CCDC121: variants seen among roughly 807,000 people sequenced by gnomAD.
CCDC121 encodes the protein coiled-coil domain containing 121, also known as coiled-coil domain-containing protein 121.
For missense variants in CCDC121, 238 were observed against 304.1 expected (o/e 0.78, Z 1.62); for synonymous variants, 108 against 120.0 (o/e 0.90, Z 0.65).
Position 27,627,844 on chromosome 2 carries a change from G to C in CCDC121, c.-45C>G, listed in dbSNP as rs776602104. The stretch of plus-strand genomic sequence containing the variant: ...TTAAGCCTTGTCTCTACCTTTGTTA[G>C]CTTCTCTGGCTTGACAAAATTATTT... On this transcript the variant is annotated 5_prime_UTR_variant, in exon 2 of 2. Transcript: ENST00000324364. The C allele has an allele frequency of 2.5e-6, 4 of 1,613,992 alleles. No homozygotes were observed. The highest frequency in any genetic ancestry group is 3.4e-6 in the Non-Finnish European group (4 of 1,179,972).
At position 27,627,438 on chromosome 2, in the gene CCDC121, A is replaced by G. The variant is rs1462236982; in HGVS notation, c.362T>C (p.Ile121Thr). Residue 121 changes from isoleucine (I) to threonine (T), a missense_variant, in exon 2 of 2, where the codon ATA (isoleucine) becomes ACA (threonine). Transcript: ENST00000324364. ...CTTTGTCTCCTCCTGTAATGTCTGT[A>G]TTTCTTTCTCCTGCTTTTCCTTTAA... ...AILKEKQEKEIQTLQEETKKV... is the reference protein window; with the variant it reads ...AILKEKQEKETQTLQEETKKV... The G allele has an allele frequency of 6.2e-7, 1 of 1,613,788 alleles. No individual in the cohort carries two copies. Among genetic ancestry groups the G allele is most frequent in the African/African-American group, 1.3e-5 (1 of 74,818 alleles).
chr2:27,627,931 C>G lies in CCDC121; in HGVS notation c.-118-14G>C. The G allele has an allele frequency of 1.3e-6, 2 of 1,542,900 alleles. No individual in the cohort carries two copies. Among genetic ancestry groups the G allele is most frequent in the South Asian group, 1.1e-5 (1 of 89,186 alleles). On this transcript the variant is annotated splice_polypyrimidine_tract_variant and intron_variant, in intron 1 of 1. Coordinates refer to ENST00000324364, the MANE Select transcript of CCDC121 (RefSeq NM_024584.5). ...CCCTCAGCAAACCTGAAAGAACAAA[C>G]GAGACATTCCTCTGTCAGTTAATGA...
At position 27,627,649 on chromosome 2, in the gene CCDC121, T is replaced by C. The variant is rs1292041072; in HGVS notation, c.151A>G (p.Thr51Ala). 1.2e-6 allele frequency: 2 copies of C among 1,614,082 alleles called. No individual in the cohort carries two copies. Among genetic ancestry groups the C allele is most frequent in the Non-Finnish European group, 8.5e-7 (1 of 1,180,040 alleles). The change falls in exon 2 of 2, where the codon ACA becomes GCA. Residue 51 changes from threonine to alanine, a missense_variant. Physicochemically the swap from Thr to Ala is moderately conservative, Grantham distance 58. Coordinates refer to ENST00000324364, the MANE Select transcript of CCDC121 (RefSeq NM_024584.5). Reference protein sequence around the residue: ...EYLTNKTEEYTEQPEKVWNSY... With the variant: ...EYLTNKTEEYAEQPEKVWNSY... ...TTCCATACCTTCTCAGGTTGCTCTG[T>C]GTACTCTTCAGTTTTGTTAGTCAGG...
rs1231528530 is a variant in CCDC121 at position 27,629,001 on chromosome 2, G to A, written c.-170C>T. 1.2e-6 allele frequency: 2 copies of A among 1,609,170 alleles called. No homozygotes were observed. The highest frequency in any genetic ancestry group is 1.7e-6 in the Non-Finnish European group (2 of 1,177,462). ...TTTCGTTCGCAGCCCAGAACATTGC[G>A]GAAGTTTCTCTACCCATGCGGTGTC... On this transcript the variant is annotated 5_prime_UTR_variant, in exon 1 of 2. Coordinates refer to ENST00000324364, the MANE Select transcript of CCDC121 (RefSeq NM_024584.5).
Position 27,627,407 on chromosome 2 carries a change from G to T in CCDC121, c.393C>A (p.Val131=). ...GTGTCTTTGAAGCTGTCTCAGCTTG[G>T]ACTTTCTTTGTCTCCTCCTGTAATG... ...IQTLQEETKK[V]QAETASKTRE... is the part of the protein sequence containing the mutation. The change falls in exon 2 of 2, where the codon GTC becomes GTA. Residue 131 remains valine (V), a synonymous_variant. Coordinates refer to ENST00000324364, the MANE Select transcript of CCDC121 (RefSeq NM_024584.5). The T allele has an allele frequency of 4.3e-6, 7 of 1,614,132 alleles. No individual in the cohort carries two copies. Among genetic ancestry groups the T allele is most frequent in the Non-Finnish European group, 5.9e-6 (7 of 1,180,026 alleles).
At chr2:27,628,661 CAG>C in intron 1 of CCDC121, 1 of 1,551,558 alleles carries the variant, frequency 6.4e-7, no homozygotes, top group Non-Finnish European at 8.7e-7. Context: ...TAAGCCCGAG[CAG>C]CCGGTCCTCC....
chr2:27,627,278 A>G lies in CCDC121; in HGVS notation c.522T>C (p.Asn174=). ...CCAACTTCAAGGCCTGGGCCTTCATATTAAGCTCTCTTCTTTTTCTCTTTC... is the reference window on the plus strand; with the variant it reads ...CCAACTTCAAGGCCTGGGCCTTCATGTTAAGCTCTCTTCTTTTTCTCTTTC... ...LLGKRKRREL[N]MKAQALKLAA... The change falls in exon 2 of 2, where the codon AAT becomes AAC. Residue 174 remains asparagine, a synonymous_variant. Coordinates refer to ENST00000324364, the MANE Select transcript of CCDC121 (RefSeq NM_024584.5). 1 of 1,613,942 alleles carries G rather than the reference A, an allele frequency of 6.2e-7. No homozygotes were observed. The highest frequency in any genetic ancestry group is 8.5e-7 in the Non-Finnish European group (1 of 1,179,862).
In CCDC121 at chr2:27,626,847, A is replaced by G; in HGVS notation, c.*116T>C. The G allele has an allele frequency of 2.6e-6, 2 of 760,032 alleles. No individual in the cohort carries two copies. The highest frequency in any genetic ancestry group is 4.4e-6 in the Non-Finnish European group (2 of 453,570). The allele number at this position is 760,032 out of a possible 1,614,324, so 47.1% of individuals were successfully genotyped here. A position where few individuals can be genotyped will look rare whatever the true frequency, so the allele number is the denominator to read the frequency against. ...ACCATCTAATCCTTCACTCCAACAC[A>G]TCATGATGGAGATTTTACAATAGCA... On this transcript the variant is annotated 3_prime_UTR_variant, in exon 2 of 2. Coordinates refer to ENST00000324364, the MANE Select transcript of CCDC121 (RefSeq NM_024584.5).
rs1326300813 is a variant in CCDC121 at position 27,627,329 on chromosome 2, C to A, written c.471G>T (p.Leu157=). 1.2e-6 allele frequency: 2 copies of A among 1,613,986 alleles called. No homozygotes were observed. The highest frequency in any genetic ancestry group is 1.7e-6 in the Non-Finnish European group (2 of 1,179,890). The change falls in exon 2 of 2, where the codon CTG becomes CTT. Residue 157 remains leucine (L), a synonymous_variant. Coordinates refer to ENST00000324364, the MANE Select transcript of CCDC121 (RefSeq NM_024584.5). ...CCAGTAGCCTCCTGTCTGGCTCGCTCAGTTGTTTCTCCAGTAATCTTTTCT... is the reference window on the plus strand; with the variant it reads ...CCAGTAGCCTCCTGTCTGGCTCGCTAAGTTGTTTCTCCAGTAATCTTTTCT... ...LQEKRLLEKQ[L]SEPDRRLLGK... is the part of the protein sequence containing the mutation.
At chr2:27,628,181 A>T in intron 1 of CCDC121, 1 of 631,930 alleles carries the variant, frequency 1.6e-6, no homozygotes, top group Non-Finnish European at 2.7e-6. Flanking sequence ...TGACTTGCCC[A>T]TGACTCACAC....
rs1673278241 is a variant in CCDC121, at chr2:27,626,325, AAT to A, written c.*636_*637del. The A allele has an allele frequency of 6.6e-6, 1 of 152,364 alleles. No individual in the cohort carries two copies. The highest frequency in any genetic ancestry group is 1.5e-5 in the Non-Finnish European group (1 of 68,036). 9.4% of individuals were successfully genotyped at this position (152,364 alleles called of 1,614,324 possible). A position where few individuals can be genotyped will look rare whatever the true frequency, so the allele number is the denominator to read the frequency against. On this transcript the variant is annotated 3_prime_UTR_variant, in exon 2 of 2. Transcript: ENST00000324364. The stretch of plus-strand genomic sequence containing the variant: ...CATTTTCAAAAGTAAGAGCTGACCT[AAT>A]ATATGTCTCCTTCATCTTTTCTTAC...
In CCDC121 at chr2:27,627,579, T is replaced by C; in HGVS notation, c.221A>G (p.Glu74Gly). The part of the protein sequence containing the change: ...KSGEIERRRQ[E>G]SASRYAEQIS... ...TTGTTCTGCATATCTGGAGGCTGAT[T>C]CTTGTCTTCTTCGTTCAATCTCTCC... Residue 74 changes from glutamate to glycine, a missense_variant, in exon 2 of 2, where the codon GAA becomes GGA. Glu to Gly is a moderately conservative substitution (Grantham distance 98, BLOSUM62 -2). Transcript: ENST00000324364. 6.2e-7 allele frequency: 1 copy of C among 1,614,186 alleles called. No individual in the cohort carries two copies. Among genetic ancestry groups the C allele is most frequent in the Non-Finnish European group, 8.5e-7 (1 of 1,180,026 alleles).
In CCDC121 at chr2:27,628,295, G is replaced by C. The variant is rs2148057819; in HGVS notation, c.-118-378C>G. The C allele has an allele frequency of 2.6e-6, 3 of 1,171,836 alleles. No homozygotes were observed. In the East Asian group the frequency reaches 7.6e-5, roughly 30 times the overall value. The allele number at this position is 1,171,836 out of a possible 1,614,324, so 72.6% of individuals were successfully genotyped here. A position where few individuals can be genotyped will look rare whatever the true frequency, so the allele number is the denominator to read the frequency against. The stretch of plus-strand genomic sequence containing the variant: ...ACAGAAACAGACTGGGTGGTCAGGA[G>C]TAGAAATAATTTTCTAGGCTCTTTC... On this transcript the variant is annotated intron_variant, in intron 1 of 1. Coordinates refer to ENST00000324364, the MANE Select transcript of CCDC121 (RefSeq NM_024584.5).
In CCDC121 at chr2:27,627,095, C is replaced by G. The variant is rs1483424486; in HGVS notation, c.705G>C (p.Trp235Cys). 6.2e-7 allele frequency: 1 copy of G among 1,614,020 alleles called. No homozygotes were observed. Among genetic ancestry groups the G allele is most frequent in the African/African-American group, 1.3e-5 (1 of 74,900 alleles). The change falls in exon 2 of 2, where the codon TGG becomes TGC. Residue 235 changes from tryptophan (W) to cysteine (C), a missense_variant. By Grantham distance (215) the Trp-to-Cys change is radical. Coordinates refer to ENST00000324364, the MANE Select transcript of CCDC121 (RefSeq NM_024584.5). ...NRKQQLQQEQ[W>C]YLESLIQARQ... is the part of the protein sequence containing the mutation. ...TCGCCTGGATTAAGGACTCCAGATA[C>G]CACTGTTCCTGCTGCAGCTGCTGCT...
At chr2:27,628,617 A>T in intron 1 of CCDC121, 1 of 1,551,562 alleles carries the variant, frequency 6.4e-7, no homozygotes, top group Non-Finnish European at 8.7e-7. Flanking sequence ...CGGCTGGTCC[A>T]GCCCTGAACT....
In CCDC121 at chr2:27,627,241, A is replaced by T; in HGVS notation, c.559T>A (p.Phe187Ile). The T allele has an allele frequency of 6.2e-7, 1 of 1,613,968 alleles. No individual in the cohort carries two copies. The stretch of plus-strand genomic sequence containing the variant: ...ATGCCACAGGAGTATTCAAAAATAA[A>T]CCGCTTTGCTGCCAACTTCAAGGCC... ...AQALKLAAKR[F>I]IFEYSCGINR... The change falls in exon 2 of 2, where the codon TTT becomes ATT. Residue 187 changes from phenylalanine to isoleucine, a missense_variant. Phe to Ile is a conservative substitution (Grantham distance 21, BLOSUM62 0). Transcript: ENST00000324364.
rs181097526 is a variant in CCDC121 at position 27,626,371 on chromosome 2, G to A, written c.*592C>T. 6.6e-6 allele frequency: 1 copy of A among 152,444 alleles called. No homozygotes were observed. Among genetic ancestry groups the A allele is most frequent in the East Asian group, 1.9e-4 (1 of 5,322 alleles). 9.4% of individuals were successfully genotyped at this position (152,444 alleles called of 1,614,324 possible). A position where few individuals can be genotyped will look rare whatever the true frequency, so the allele number is the denominator to read the frequency against. ...TTCTTACCTTCTCAAACTTGTAGGG[G>A]CTTAGCATCAGATGAAAGGTCACTC... On this transcript the variant is annotated 3_prime_UTR_variant, in exon 2 of 2. Coordinates refer to ENST00000324364, the MANE Select transcript of CCDC121 (RefSeq NM_024584.5).
At chr2:27,628,726 G>A (rs1470926581) in intron 1 of CCDC121, 31 of 1,551,076 alleles carry the variant, frequency 2.0e-5, no homozygotes, top group Non-Finnish European at 2.5e-5. Flanking sequence ...CATGCTCCTC[G>A]TTTTCTTGCT....
chr2:27,628,621 C>G (rs1673387167), intron 1 of CCDC121: 3 of 1,551,556 alleles, frequency 1.9e-6, no homozygotes, highest in Admixed American at 3.9e-5. Flanking sequence ...TGGTCCAGCC[C>G]TGAACTGTTT....
Sources: allele counts gnomAD v4.1 joint callset, GRCh38; gene constraint gnomAD v4.1.1; transcripts MANE v1.5; gene names NCBI Gene and HGNC (gene_info 2026-07-23, HGNC 2026-07-21).